The following WDR64 variants were observed in gnomAD, a reference collection of about 807,000 sequenced individuals.
WDR64 encodes the protein WD repeat-containing protein 64.
Under a neutral mutation model 139.3 loss-of-function variants are expected in WDR64, and 112 were observed. The observed-to-expected ratio is 0.80, with a 90% CI of 0.69 to 0.94. WDR64 has a LOEUF of 0.94. Among genes scored for constraint, WDR64 ranks in the 40% least tolerant of loss-of-function variants. WDR64 has a pLI of 0.00. For synonymous variants in WDR64, 444 were observed against 437.7 expected (o/e 1.01, Z -0.18); for missense variants, 1,206 against 1,293.1 (o/e 0.93, Z 1.03).
chr1:241,776,444 C>G (rs899521121), intron 21 of WDR64, among the ~76,000 whole-genome samples: 6 of 152,040 alleles, frequency 3.9e-5, no homozygotes, highest in African/African-American at 1.4e-4. Context: ...TCGTCTGGAC[C>G]TTATTGATAA....
At chr1:241,783,136 A>G in intron 22 of WDR64, 136 bp from the exon 23 acceptor site, 2 of 709,910 alleles carry the variant, frequency 2.8e-6, no homozygotes, top group Non-Finnish European at 4.6e-6. Flanking sequence ...ATTGGGGGCA[A>G]GGACTTAATC....
chr1:241,748,921 G>C (rs1210627298), intron 13 of WDR64, among the ~76,000 whole-genome samples: 3 of 148,648 alleles, frequency 2.0e-5, no homozygotes, highest in Non-Finnish European at 4.4e-5. Flanking sequence ...CTGGGTGACA[G>C]AGTGAGACTC....
At chr1:241,721,819 A>G (rs1193381068) in intron 9 of WDR64, among the ~76,000 whole-genome samples, 2 of 152,174 alleles carry the variant, frequency 1.3e-5, no homozygotes, top group South Asian at 2.1e-4. Context: ...ACATTTGTTT[A>G]AGTAATGCTG....
At chr1:241,678,141 A>G (rs543110748) in intron 4 of WDR64, 46 bp from the exon 5 acceptor site, 2 of 398,808 alleles carry the variant, frequency 5.0e-6, no homozygotes, top group East Asian at 3.6e-5. Flanking sequence ...CTCATCTTTA[A>G]TGGTAGTGCC....
chr1:241,662,815 C>T (rs979695436), intron 2 of WDR64, among the ~76,000 whole-genome samples: 1 of 152,008 alleles, frequency 6.6e-6, no homozygotes, highest in South Asian at 2.1e-4. Context: ...AAATCAAGAA[C>T]GAGAAAAGGA....
intron 24 of WDR64, 97 bp from the exon 25 acceptor site, chr1:241,790,490 CAAGA>C: frequency 1.0e-6 from 1 of 969,144 alleles, no homozygotes; most frequent in Non-Finnish European, 1.6e-6. Flanking sequence ...CCATAGGAAC[CAAGA>C]AATGTGGGCA....
intron 8 of WDR64, among the ~76,000 whole-genome samples, chr1:241,701,982 C>T (rs56034445): frequency 0.12 from 18,666 of 152,114 alleles, 1,232 homozygotes; most frequent in South Asian, 0.23. Context: ...GAAAAAAATC[C>T]TCTCAAAAAA....
At chr1:241,770,587 GT>G (rs1314724088) in intron 17 of WDR64, 33 bp from the exon 18 acceptor site, 3 of 1,541,500 alleles carry the variant, frequency 1.9e-6, no homozygotes, top group Non-Finnish European at 2.6e-6. Context: ...ATATCTTAAA[GT>G]TTTACCTGTG....
intron 1 of WDR64, among the ~76,000 whole-genome samples, chr1:241,654,123 C>G (rs1665485218): frequency 6.6e-6 from 1 of 152,164 alleles, no homozygotes; most frequent in Non-Finnish European, 1.5e-5. Flanking sequence ...TTTTCCACTT[C>G]TGAATCACTG....
At position 241,723,351 on chromosome 1, in the gene WDR64, G is replaced by A. The variant is rs1450268134; in HGVS notation, c.1109G>A (p.Gly370Glu). 1.2e-6 allele frequency: 2 copies of A among 1,613,844 alleles called. No homozygotes were observed. Among genetic ancestry groups the A allele is most frequent in the African/African-American group, 1.3e-5 (1 of 74,884 alleles). The change falls in exon 10 of 28, where the codon GGG becomes GAG. Residue 370 changes from glycine (G) to glutamate (E), a missense_variant. Gly to Glu is a moderately conservative substitution (Grantham distance 98, BLOSUM62 -2). Transcript: ENST00000437684. Reference protein sequence around the residue: ...WHPNISTKPVGKLVGHMFSIA... With the variant: ...WHPNISTKPVEKLVGHMFSIA... ...CCCAATATCAGCACCAAGCCAGTAG[G>A]GAAACTTGTAGGACACATGTTCAGT...
chr1:241,772,048 T>G (rs1658475178), intron 19 of WDR64, among the ~76,000 whole-genome samples: 1 of 145,840 alleles, frequency 6.9e-6, no homozygotes, highest in Non-Finnish European at 1.5e-5. Flanking sequence ...TGGCAGAATT[T>G]TCATTATGAT....
At chr1:241,709,073 C>A (rs1668070247) in intron 8 of WDR64, among the ~76,000 whole-genome samples, 1 of 152,164 alleles carries the variant, frequency 6.6e-6, no homozygotes, top group African/African-American at 2.4e-5. Context: ...AATGCCTGAA[C>A]TGCTGAGTAT....
intron 9 of WDR64, among the ~76,000 whole-genome samples, chr1:241,719,408 G>C (rs915603234): frequency 2.0e-5 from 3 of 152,164 alleles, no homozygotes; most frequent in African/African-American, 7.2e-5. Flanking sequence ...GGGGATGAAG[G>C]AGGCACATAG....
rs1317058272 is a variant in WDR64, at chr1:241,738,398, A to C, written c.1230A>C (p.Leu410=). Residue 410 remains leucine (L), a synonymous_variant, in exon 11 of 28, where the codon CTA becomes CTC. Transcript: ENST00000437684. ...TGTGGGATATACAAACTCTTTCACT[A>C]TTACAAGTCTTCCATGACAGCCAGG... is the stretch of plus-strand genomic sequence containing the variant. ...FRVWDIQTLS[L]LQVFHDSQGG... 34 of 1,613,840 alleles carry C rather than the reference A, an allele frequency of 2.1e-5. No individual in the cohort carries two copies. Among genetic ancestry groups the C allele is most frequent in the Non-Finnish European group, 2.5e-5 (30 of 1,179,902 alleles).
In WDR64 at chr1:241,772,936, T is replaced by C; in HGVS notation, c.2430+5T>C. The C allele has an allele frequency of 1.3e-6, 2 of 1,548,372 alleles. No homozygotes were observed. Among genetic ancestry groups the C allele is most frequent in the South Asian group, 2.4e-5 (2 of 83,568 alleles). On this transcript the variant is annotated splice_donor_5th_base_variant and intron_variant, in intron 20 of 27. Coordinates refer to ENST00000437684, the MANE Select transcript of WDR64 (RefSeq NM_001367482.1). ...CTCCGCTTGTGGACTCTGGAGGTAA[T>C]GGAACCCAGCAAGTCTGGGAATAGG...
At chr1:241,723,470 T>A (rs1438150965) in intron 10 of WDR64, 34 bp downstream of exon 10, 36 of 1,605,068 alleles carry the variant, frequency 2.2e-5, no homozygotes, top group Non-Finnish European at 3.1e-5. Flanking sequence ...CAAAACTAGT[T>A]TTTTCCGGAA....
intron 8 of WDR64, among the ~76,000 whole-genome samples, chr1:241,706,066 C>G (rs995693497): frequency 6.6e-6 from 1 of 152,184 alleles, no homozygotes; most frequent in East Asian, 1.9e-4. Flanking sequence ...AGTATGTTTT[C>G]ATGGGCCCTA....
At chr1:241,699,627 T>C (rs1667632210) in intron 8 of WDR64, among the ~76,000 whole-genome samples, 1 of 152,088 alleles carries the variant, frequency 6.6e-6, no homozygotes, top group Non-Finnish European at 1.5e-5. Context: ...ATGTCACAAA[T>C]GCCGAGTTTT....
Position 241,766,316 on chromosome 1 carries a change from C to G in WDR64, c.2046C>G (p.Ile682Met), listed in dbSNP as rs1223623631. 1 of 1,613,900 alleles carries G rather than the reference C, an allele frequency of 6.2e-7. No homozygotes were observed. ...CTGGAACCTTAAATGGTGTGATCATCTTATGGAATTTTGTGACGTCTACTG... is the reference window on the plus strand; with the variant it reads ...CTGGAACCTTAAATGGTGTGATCATGTTATGGAATTTTGTGACGTCTACTG... ...IAAGTLNGVI[I>M]LWNFVTSTVK... Residue 682 changes from isoleucine (I) to methionine (M), a missense_variant, in exon 16 of 28, where the codon ATC (isoleucine) becomes ATG (methionine). Ile to Met is a conservative substitution (Grantham distance 10). Transcript: ENST00000437684.
Sources: gnomAD v4.1 joint callset for allele counts (sites outside exome capture counted in the v4.1 genomes callset) on GRCh38, gnomAD v4.1.1 for gene constraint, MANE v1.5 for transcripts, NCBI Gene and HGNC (gene_info 2026-07-23, HGNC 2026-07-21) for gene names.